NCALD: variants seen among roughly 807,000 people sequenced by gnomAD.
The protein encoded by NCALD is neurocalcin delta.
NCALD carries 10 observed loss-of-function variants against 18.6 expected under a neutral mutation model. The ratio of observed to expected loss-of-function variants is 0.54; its 90% CI spans 0.33 to 0.91. The LOEUF is 0.91. NCALD is among the 40% of genes least tolerant of loss of function. NCALD has a pLI of 0.03. For missense variants in NCALD, 184 were observed against 247.6 expected (o/e 0.74, Z 1.72); for synonymous variants, 88 against 87.4 (o/e 1.01, Z -0.04).
chr8:101,971,622 A>T (rs1820244424), intron 2 of NCALD, among the ~76,000 whole-genome samples: 1 of 152,004 alleles, frequency 6.6e-6, no homozygotes, highest in South Asian at 2.1e-4. Flanking sequence ...TGAGTCAATT[A>T]AACCTCTTTC....
At chr8:101,801,348 T>G (rs1812843736) in intron 4 of NCALD, among the ~76,000 whole-genome samples, 1 of 152,142 alleles carries the variant, frequency 6.6e-6, no homozygotes, top group African/African-American at 2.4e-5. Context: ...TTAACCAATT[T>G]GACCTAATTA....
chr8:101,968,164 G>C (rs951233088), intron 2 of NCALD, among the ~76,000 whole-genome samples: 3 of 152,120 alleles, frequency 2.0e-5, no homozygotes, highest in African/African-American at 7.2e-5. Context: ...CCAAACTCTG[G>C]AGTCGGTAGG....
chr8:101,853,903 A>C (rs1484770531), intron 4 of NCALD, among the ~76,000 whole-genome samples: 1 of 152,196 alleles, frequency 6.6e-6, no homozygotes, highest in Admixed American at 6.5e-5. Flanking sequence ...AACCCATTTG[A>C]AACACAAGCT....
rs548626767 is a variant in NCALD at position 101,982,602 on chromosome 8, A to T, written c.-157+37635T>A. Among the ~76,000 whole-genome samples, 158 of 152,288 alleles carry T rather than the reference A, an allele frequency of 1.0e-3. 2 individuals carry two copies. Among genetic ancestry groups the T allele is most frequent in the African/African-American group, 3.6e-3 (150 of 41,566 alleles). ...ATGCCTGTAATCCCAGCACTTTGAG[A>T]GGCCGAGGCTGGTGGATCAGGAGGT... is the stretch of plus-strand genomic sequence containing the variant. On this transcript the variant is annotated intron_variant, in intron 2 of 6. Coordinates refer to the NCALD transcript ENST00000311028.
At chr8:101,806,423 A>C (rs1813104256) in intron 4 of NCALD, among the ~76,000 whole-genome samples, 1 of 152,168 alleles carries the variant, frequency 6.6e-6, no homozygotes, top group South Asian at 2.1e-4. Context: ...TAAATATGTT[A>C]AAAGAACTAA....
intron 2 of NCALD, among the ~76,000 whole-genome samples, chr8:102,008,635 T>C (rs1046782774): frequency 1.3e-5 from 2 of 152,080 alleles, no homozygotes; most frequent in Non-Finnish European, 2.9e-5. Context: ...AATAGAAATC[T>C]GTACAAACAA....
At chr8:101,991,342 G>T (rs530380541) in intron 2 of NCALD, among the ~76,000 whole-genome samples, 2 of 152,112 alleles carry the variant, frequency 1.3e-5, no homozygotes, top group Non-Finnish European at 2.9e-5. Context: ...GCTACCCTTA[G>T]AGCAGCAAGC....
Position 101,878,904 on chromosome 8 carries a change from T to TG in NCALD, c.-20+8236dup, listed in dbSNP as rs1458783142. 2.0e-5 allele frequency among the ~76,000 whole-genome samples: 3 copies of TG among 152,316 alleles called. No individual in the cohort carries two copies. The East Asian group carries it at 5.8e-4, about 29-fold the overall frequency. ...ATGCCATGTCCTATGATTACGATGA[T>TG]GAAAAAAAGCAGCCCTAGGTTCTGT... is the stretch of plus-strand genomic sequence containing the variant. On this transcript the variant is annotated intron_variant, in intron 4 of 6. Transcript: ENST00000311028.
Position 101,940,981 on chromosome 8 carries a change from G to T in NCALD, c.-156-25123C>A, listed in dbSNP as rs190363462. ...CTTATTAAAAGGATTTTTTAAAGAG[G>T]GTAAATACCAACTTTTCACCAAGGA... On this transcript the variant is annotated intron_variant, in intron 2 of 6. Coordinates refer to the NCALD transcript ENST00000311028. Among the ~76,000 whole-genome samples the T allele has an allele frequency of 3.9e-5, 6 of 152,036 alleles. No individual in the cohort carries two copies. The East Asian group carries it at 9.7e-4, about 24-fold the overall frequency.
At chr8:101,793,323 C>T (rs917168473), upstream of NCALD, among the ~76,000 whole-genome samples, 1 of 148,130 alleles carries the variant, frequency 6.8e-6, no homozygotes, top group African/African-American at 2.5e-5. Context: ...GCACTCCAGC[C>T]TGGGTGACAG....
intron 2 of NCALD, among the ~76,000 whole-genome samples, chr8:101,964,151 G>A (rs1819936530): frequency 6.6e-6 from 1 of 152,000 alleles, no homozygotes; most frequent in South Asian, 2.1e-4. Flanking sequence ...TTATTCTCAA[G>A]TTTCCAGACT....
chr8:102,057,820 A>C (rs1110079), intron 1 of NCALD, among the ~76,000 whole-genome samples: 103,016 of 152,122 alleles, frequency 0.68, 35,583 homozygotes, highest in East Asian at 0.88. Context: ...ATAATAATAA[A>C]CTACTCACAT....
chr8:102,009,747 T>C (rs1381610312), intron 2 of NCALD, among the ~76,000 whole-genome samples: 1 of 152,246 alleles, frequency 6.6e-6, no homozygotes, highest in Non-Finnish European at 1.5e-5. Context: ...TCTTTCTGTC[T>C]GGAGAAATCG....
intron 2 of NCALD, among the ~76,000 whole-genome samples, chr8:101,968,031 T>C (rs374806545): frequency 9.9e-5 from 15 of 152,260 alleles, no homozygotes; most frequent in African/African-American, 3.1e-4. Context: ...CAGAATATGA[T>C]TGGTTGCCCC....
intron 2 of NCALD, among the ~76,000 whole-genome samples, chr8:101,937,259 G>T (rs1312320365): frequency 3.9e-5 from 6 of 152,014 alleles, no homozygotes; most frequent in Non-Finnish European, 7.4e-5. Flanking sequence ...ATGTCATGGG[G>T]GTTTGTTGTA....
intron 1 of NCALD, among the ~76,000 whole-genome samples, chr8:102,115,907 C>T (rs570719804): frequency 3.9e-5 from 6 of 152,156 alleles, no homozygotes; most frequent in Non-Finnish European, 8.8e-5. Flanking sequence ...GCCCAGAAAA[C>T]GTTTAGCTGA....
chr8:101,977,209 G>A (rs10091084), intron 2 of NCALD, among the ~76,000 whole-genome samples: 23,718 of 150,934 alleles, frequency 0.16, 2,668 homozygotes, highest in African/African-American at 0.31. Context: ...CCAGCATGAA[G>A]CATTACCCAG....
At chr8:102,060,003 T>C (rs966582565) in intron 1 of NCALD, among the ~76,000 whole-genome samples, 6 of 152,142 alleles carry the variant, frequency 3.9e-5, no homozygotes, top group Non-Finnish European at 7.4e-5. Context: ...TTGTTTGAGA[T>C]GGAGTCTCAC....
intron 2 of NCALD, among the ~76,000 whole-genome samples, chr8:101,973,459 T>C (rs531715285): frequency 1.3e-5 from 2 of 152,324 alleles, no homozygotes; most frequent in South Asian, 4.1e-4. Flanking sequence ...ATTTTCATCA[T>C]GTCATATCAA....
Sources: allele counts gnomAD v4.1 joint callset (sites outside exome capture counted in the v4.1 genomes callset), GRCh38; gene constraint gnomAD v4.1.1; transcripts MANE v1.5; gene names NCBI Gene and HGNC (gene_info 2026-07-23, HGNC 2026-07-21).